The following PIAS2 variants were observed in gnomAD, a reference collection of about 807,000 sequenced individuals.
The protein encoded by PIAS2 is protein inhibitor of activated STAT 2.
Under a neutral mutation model 69.7 loss-of-function variants are expected in PIAS2, and 19 were observed. That is an observed-to-expected ratio of 0.27 (90% confidence interval 0.19 to 0.40). PIAS2 has a LOEUF of 0.40. PIAS2 is among the 10% of genes least tolerant of loss of function. The pLI is 1.00. For missense variants in PIAS2, 624 were observed against 757.0 expected (o/e 0.82, Z 2.06); for synonymous variants, 261 against 263.2 (o/e 0.99, Z 0.08).
At chr18:46,813,183 C>T (rs573832042) in intron 13 of PIAS2, among the ~76,000 whole-genome samples, 2 of 152,268 alleles carry the variant, frequency 1.3e-5, no homozygotes, top group African/African-American at 2.4e-5. Flanking sequence ...ACAGACTACA[C>T]GGTAGCTAGC....
At chr18:46,852,249 G>A (rs1202406761) in intron 5 of PIAS2, among the ~76,000 whole-genome samples, 1 of 152,216 alleles carries the variant, frequency 6.6e-6, no homozygotes, top group African/African-American at 2.4e-5. Flanking sequence ...AGATGCGCAT[G>A]TGAATTTCTG....
intron 2 of PIAS2, among the ~76,000 whole-genome samples, chr18:46,871,874 ATG>A (rs2050407437): frequency 6.6e-6 from 1 of 152,224 alleles, no homozygotes; most frequent in Non-Finnish European, 1.5e-5. Context: ...ATAGGCCTAC[ATG>A]TCAGTCCAAA....
At chr18:46,851,149 A>T (rs116331138) in intron 5 of PIAS2, among the ~76,000 whole-genome samples, 1,988 of 152,310 alleles carry the variant, frequency 0.013, 41 homozygotes, top group African/African-American at 0.044. Flanking sequence ...CATCAGGGTA[A>T]CTAACACACA....
chr18:46,879,956 T>G (rs1276622868), intron 2 of PIAS2, among the ~76,000 whole-genome samples: 1 of 152,078 alleles, frequency 6.6e-6, no homozygotes, highest in Non-Finnish European at 1.5e-5. Context: ...TACTGTTAAA[T>G]GCATATAGAG....
upstream of PIAS2, chr18:46,920,102 C>T (rs1329355379): frequency 7.8e-7 from 1 of 1,289,554 alleles, no homozygotes; most frequent in Admixed American, 2.3e-5. Flanking sequence ...CATTCTGCCC[C>T]TTCCTCAATG....
At chr18:46,913,131 G>A (rs9304337) in intron 1 of PIAS2, among the ~76,000 whole-genome samples, 93,548 of 151,992 alleles carry the variant, frequency 0.62, 30,115 homozygotes, top group African/African-American at 0.81. Context: ...CTATTAGTCT[G>A]TATCCCTGCC....
chr18:46,844,131 T>C lies in PIAS2; in HGVS notation c.968-4A>G. 7.3e-7 allele frequency: 1 copy of C among 1,368,912 alleles called. No individual in the cohort carries two copies. Among genetic ancestry groups the C allele is most frequent in the East Asian group, 2.6e-5 (1 of 38,666 alleles). The allele number at this position is 1,368,912 out of a possible 1,614,324, so 84.8% of individuals were successfully genotyped here. A position where few individuals can be genotyped will look rare whatever the true frequency, so the allele number is the denominator to read the frequency against. ...TCTGCAGTAAGTTTTTCTTTAACTT[T>C]AAAAAGAAGAGAAAAAAAAAAATTT... On this transcript the variant is annotated splice_region_variant and splice_polypyrimidine_tract_variant and intron_variant, in intron 7 of 13. Coordinates refer to ENST00000585916, the MANE Select transcript of PIAS2 (RefSeq NM_004671.5).
chr18:46,884,641 T>C (rs1659376741), intron 2 of PIAS2, among the ~76,000 whole-genome samples: 1 of 150,956 alleles, frequency 6.6e-6, no homozygotes, highest in African/African-American at 2.4e-5. Context: ...TCTTGCCAGG[T>C]GCCGTGGCTC....
chr18:46,893,256 T>C (rs2054337227), intron 1 of PIAS2, among the ~76,000 whole-genome samples: 2 of 152,372 alleles, frequency 1.3e-5, no homozygotes, highest in African/African-American at 2.4e-5. Context: ...AATACTTCAA[T>C]TGATTGTGGA....
At chr18:46,827,880 C>A in intron 11 of PIAS2, 79 bp downstream of exon 11, 1 of 1,252,802 alleles carries the variant, frequency 8.0e-7, no homozygotes, top group South Asian at 1.6e-5. Flanking sequence ...TGCCATTTCC[C>A]AAAGAGACAT....
At chr18:46,883,288 G>A (rs1260792964) in intron 2 of PIAS2, among the ~76,000 whole-genome samples, 1 of 152,064 alleles carries the variant, frequency 6.6e-6, no homozygotes, top group African/African-American at 2.4e-5. Flanking sequence ...AAGAAATTAA[G>A]GAATCAAAGG....
chr18:46,918,081 G>C (rs1054747451), upstream of PIAS2: 6 of 152,070 alleles, frequency 3.9e-5, no homozygotes, highest in African/African-American at 9.7e-5. Flanking sequence ...GTGGGGTTGG[G>C]GGCGGGGAGA....
chr18:46,821,146 G>T, intron 11 of PIAS2, 74 bp from the exon 12 acceptor site: 1 of 1,502,088 alleles, frequency 6.7e-7, no homozygotes, highest in Non-Finnish European at 9.2e-7. Context: ...GCACCACTGG[G>T]CATTCTCAGT....
chr18:46,886,317 G>C (rs1441492865), intron 2 of PIAS2, among the ~76,000 whole-genome samples: 1 of 151,842 alleles, frequency 6.6e-6, no homozygotes, highest in Non-Finnish European at 1.5e-5. Flanking sequence ...ACATAGATAA[G>C]GAAAAAAAAT....
chr18:46,883,001 A>G (rs1487897042), intron 2 of PIAS2, among the ~76,000 whole-genome samples: 2 of 146,128 alleles, frequency 1.4e-5, no homozygotes, highest in African/African-American at 5.3e-5. Flanking sequence ...CTGCGGCAGG[A>G]AAAAAAAAAT....
At chr18:46,918,336 A>G (rs778445931), upstream of PIAS2, among the ~76,000 whole-genome samples, 1 of 152,104 alleles carries the variant, frequency 6.6e-6, no homozygotes, top group African/African-American at 2.4e-5. Context: ...TCTTTAAAAC[A>G]ATGTAACTTT....
chr18:46,814,465 G>A (rs1342347487), intron 13 of PIAS2, among the ~76,000 whole-genome samples: 3 of 152,110 alleles, frequency 2.0e-5, no homozygotes, highest in African/African-American at 7.2e-5. Context: ...ATATACTGCT[G>A]TAATGAGGTC....
intron 3 of PIAS2, among the ~76,000 whole-genome samples, chr18:46,858,574 A>G (rs573977848): frequency 2.2e-4 from 34 of 152,276 alleles, no homozygotes; most frequent in African/African-American, 7.9e-4. Context: ...GCACATGCCT[A>G]TAGTCCCAGC....
chr18:46,917,575 G>A (rs2058134440), upstream of PIAS2: 4 of 1,079,972 alleles, frequency 3.7e-6, no homozygotes, highest in African/African-American at 1.7e-5. Context: ...CTGCCCACCC[G>A]CGCGACCGCC....
Sources: gnomAD v4.1 joint callset for allele counts (sites outside exome capture counted in the v4.1 genomes callset) on GRCh38, gnomAD v4.1.1 for gene constraint, MANE v1.5 for transcripts, NCBI Gene and HGNC (gene_info 2026-07-23, HGNC 2026-07-21) for gene names.